EGFL7: variants seen among roughly 807,000 people sequenced by gnomAD.
EGFL7 encodes the protein EGF like domain multiple 7.
EGFL7 carries 48 observed loss-of-function variants against 37.1 expected under a neutral mutation model. The ratio of observed to expected loss-of-function variants is 1.29; its 90% CI spans 1.03 to 1.65. The LOEUF is 1.65. Ranked by LOEUF, EGFL7 falls within the 40% of genes most tolerant of loss-of-function variation. The pLI is 0.00. For synonymous variants in EGFL7, 180 were observed against 156.8 expected (o/e 1.15, Z -1.10); for missense variants, 384 against 378.9 (o/e 1.01, Z -0.11).
chr9:136,659,120 C>G (rs911441757), upstream of EGFL7: 1 of 152,248 alleles, frequency 6.6e-6, no homozygotes, highest in African/African-American at 2.4e-5. Context: ...CAGAGGGTGT[C>G]GCTCTGGGAC....
chr9:136,667,095 G>A (rs1845527530), intron 3 of EGFL7, among the ~76,000 whole-genome samples: 1 of 152,232 alleles, frequency 6.6e-6, no homozygotes, highest in Non-Finnish European at 1.5e-5. Flanking sequence ...GGAAGCAGGT[G>A]TGGGATCGTG....
chr9:136,669,696 C>A lies in EGFL7; in HGVS notation c.288C>A (p.Ser96Arg). The change falls in exon 6 of 11, where the codon AGC (serine) becomes AGA (arginine). Residue 96 changes from serine to arginine, a missense_variant. Ser to Arg is a moderately radical substitution (Grantham distance 110). Coordinates refer to ENST00000308874, the MANE Select transcript of EGFL7 (RefSeq NM_016215.5). Reference sequence around the variant, plus strand: ...GCTGCCCCGGCTGGAAGAGGACCAGCGGGCTTCCTGGGGCCTGTGGAGCAG... The same window carrying A: ...GCTGCCCCGGCTGGAAGAGGACCAGAGGGCTTCCTGGGGCCTGTGGAGCAG... ...YACCPGWKRTSGLPGACGAAI... is the reference protein window; with the variant it reads ...YACCPGWKRTRGLPGACGAAI... 6.2e-7 allele frequency: 1 copy of A among 1,602,178 alleles called. No individual in the cohort carries two copies. The highest frequency in any genetic ancestry group is 1.1e-5 in the South Asian group (1 of 88,980).
At chr9:136,668,435 C>T in intron 4 of EGFL7, 73 bp downstream of exon 4, 1 of 1,518,856 alleles carries the variant, frequency 6.6e-7, no homozygotes. Context: ...AGAGGCGGCC[C>T]TCAGCACCTG....
At chr9:136,670,758 C>T in intron 8 of EGFL7, 192 bp from the exon 9 acceptor site, 1 of 728,236 alleles carries the variant, frequency 1.4e-6, no homozygotes, top group Admixed American at 2.0e-5. Flanking sequence ...AGCCTCTGCG[C>T]AGAGCCACCC....
chr9:136,672,282 C>A lies in EGFL7; in HGVS notation c.818C>A (p.Ser273Ter). The change falls in exon 11 of 11, where the codon TCG becomes TAG. Residue 273 changes from serine (S) to a stop codon, truncating the protein, a stop_gained. Transcript: ENST00000308874. LOFTEE classifies it high-confidence loss of function. ...ACCCTAGGCTCCTGCAAGAAAGACT[C>A]GTGACTGCCCAGCGCCCCAGGCTGG... is the stretch of plus-strand genomic sequence containing the variant. ...QLGSCSCKKD[S>*] 6.2e-7 allele frequency: 1 copy of A among 1,613,358 alleles called. No individual in the cohort carries two copies. The highest frequency in any genetic ancestry group is 8.5e-7 in the Non-Finnish European group (1 of 1,179,952).
chr9:136,671,727 C>T (rs531851234), intron 9 of EGFL7, among the ~76,000 whole-genome samples, 199 bp from the exon 10 acceptor site: 1 of 152,304 alleles, frequency 6.6e-6, no homozygotes, highest in East Asian at 1.9e-4. Flanking sequence ...TGGGACCACC[C>T]CGCCAGCCTG....
At position 136,666,855 on chromosome 9, in the gene EGFL7, A is replaced by G. The variant is rs572944292; in HGVS notation, c.-42-1386A>G. ...TCATCCAGGGCCCATCCCCAGAGTT[A>G]ATCTCCAGCCAGCTCTGCCCCCTCG... On this transcript the variant is annotated intron_variant, in intron 3 of 10. Transcript: ENST00000308874. This position sits in a 1 kb window ranked among gnomAD's most constrained non-coding sequence, Gnocchi z 6.8. 2.4e-4 allele frequency among the ~76,000 whole-genome samples: 37 copies of G among 152,106 alleles called. No homozygotes were observed. Among genetic ancestry groups the G allele is most frequent in the African/African-American group, 6.5e-4 (27 of 41,464 alleles).
At position 136,668,684 on chromosome 9, in the gene EGFL7, C is replaced by T; in HGVS notation, c.197+11C>T. The T allele has an allele frequency of 1.3e-6, 2 of 1,592,090 alleles. No individual in the cohort carries two copies. Among genetic ancestry groups the T allele is most frequent in the Non-Finnish European group, 1.7e-6 (2 of 1,172,086 alleles). ...CTGCAGCACCTACCGGTGAGTGCCC[C>T]ACCACACCGAGCTCACCCAGCCCCA... On this transcript the variant is annotated intron_variant, in intron 5 of 10. Coordinates refer to ENST00000308874, the MANE Select transcript of EGFL7 (RefSeq NM_016215.5).
intron 4 of EGFL7, 30 bp downstream of exon 4, chr9:136,668,392 G>C (rs1238778952): frequency 6.4e-7 from 1 of 1,557,722 alleles, no homozygotes; most frequent in Non-Finnish European, 8.7e-7. Context: ...GGGAGTGCTG[G>C]GGTGGGGGGA....
Position 136,670,292 on chromosome 9 carries a change from C to A in EGFL7, c.533C>A (p.Pro178His). The change falls in exon 8 of 11, where the codon CCC (proline) becomes CAC (histidine). Residue 178 changes from proline (P) to histidine (H), a missense_variant. Pro to His is a moderately conservative substitution (Grantham distance 77). Transcript: ENST00000308874. ...TCTGCAGACGGTACACTCTGTGTGC[C>A]CAAGGGAGGGCCCCCCAGGGTGGCC... is the stretch of plus-strand genomic sequence containing the variant. ...SLSADGTLCV[P>H]KGGPPRVAPN... is the part of the protein sequence containing the mutation. 2 of 1,603,294 alleles carry A rather than the reference C, an allele frequency of 1.2e-6. No individual in the cohort carries two copies. Among genetic ancestry groups the A allele is most frequent in the Non-Finnish European group, 1.7e-6 (2 of 1,173,346 alleles).
chr9:136,670,742 AC>A, intron 8 of EGFL7: 3 of 738,412 alleles, frequency 4.1e-6, no homozygotes, highest in Non-Finnish European at 7.6e-6. Context: ...CGTGGCCGGG[AC>A]CCTGAGCCTC....
Position 136,668,552 on chromosome 9 carries a change from C to A in EGFL7, c.81-5C>A. The A allele has an allele frequency of 1.2e-6, 2 of 1,607,804 alleles. No homozygotes were observed. Among genetic ancestry groups the A allele is most frequent in the Non-Finnish European group, 8.5e-7 (1 of 1,179,238 alleles). The stretch of plus-strand genomic sequence containing the variant: ...CCTGGGCTGACCCCCTCTCCACCCC[C>A]GCAGCCGTAGGGTGTGTGCTGTCCG... On this transcript the variant is annotated splice_polypyrimidine_tract_variant and splice_region_variant and intron_variant, in intron 4 of 10. Transcript: ENST00000308874.
intron 5 of EGFL7, 74 bp downstream of exon 5, chr9:136,668,747 G>T: frequency 7.8e-7 from 1 of 1,282,182 alleles, no homozygotes; most frequent in Non-Finnish European, 1.1e-6. Context: ...TGTCAGGGGC[G>T]AGGCGGGGGT....
rs1845509868 is a variant in EGFL7, at chr9:136,666,841, C to T, written c.-42-1400C>T. On this transcript the variant is annotated intron_variant, in intron 3 of 10. Transcript: ENST00000308874. The surrounding 1 kb of genome is among the most constrained non-coding windows in gnomAD (Gnocchi z 6.8). ...CCTAACAGTGTCCTTCATCCAGGGC[C>T]CATCCCCAGAGTTAATCTCCAGCCA... Among the ~76,000 whole-genome samples, 1 of 152,184 alleles carries T rather than the reference C, an allele frequency of 6.6e-6. No homozygotes were observed. Among genetic ancestry groups the T allele is most frequent in the Non-Finnish European group, 1.5e-5 (1 of 68,032 alleles).
In EGFL7 at chr9:136,668,627, C is replaced by T; in HGVS notation, c.151C>T (p.Pro51Ser). The T allele has an allele frequency of 1.2e-6, 2 of 1,606,858 alleles. No homozygotes were observed. The highest frequency in any genetic ancestry group is 1.7e-6 in the Non-Finnish European group (2 of 1,179,744). The change falls in exon 5 of 11, where the codon CCC becomes TCC. Residue 51 changes from proline (P) to serine (S), a missense_variant. Transcript: ENST00000308874. ...SESFVQRVYQ[P>S]FLTTCDGHRA... ...GTCGTTCGTGCAGCGTGTGTACCAG[C>T]CCTTCCTCACCACCTGCGACGGGCA...
rs751862239 is a variant in EGFL7 at position 136,670,265 on chromosome 9, T to C, written c.506T>C (p.Leu169Pro). ...TGCCAGTGTTGGGAGGGGCACAGCC[T>C]GTCTGCAGACGGTACACTCTGTGTG... ...YWCQCWEGHS[L>P]SADGTLCVPK... The change falls in exon 8 of 11, where the codon CTG becomes CCG. Residue 169 changes from leucine (L) to proline (P), a missense_variant. By Grantham distance (98) the Leu-to-Pro change is moderately conservative. Transcript: ENST00000308874. The C allele has an allele frequency of 2.9e-5, 46 of 1,612,104 alleles. 1 individual carries two copies. In the South Asian group the frequency reaches 4.9e-4, roughly 17 times the overall value.
intron 8 of EGFL7, chr9:136,670,660 G>A (rs1028572211): frequency 2.6e-6 from 2 of 772,310 alleles, no homozygotes; most frequent in Admixed American, 1.7e-5. Context: ...AACTCGTACC[G>A]TGAGTAATAA....
chr9:136,666,175 C>A lies in EGFL7; in HGVS notation c.-43+1390C>A, dbSNP rs1266897815. 6.6e-6 allele frequency among the ~76,000 whole-genome samples: 1 copy of A among 150,610 alleles called. No homozygotes were observed. Among genetic ancestry groups the A allele is most frequent in the East Asian group, 1.9e-4 (1 of 5,160 alleles). Reference sequence around the variant, plus strand: ...CCAGCCTGTGCCGCCTGCTCCGCCCCCCGCGAACCCCGGAGCCAGCAGCGC... The same window carrying A: ...CCAGCCTGTGCCGCCTGCTCCGCCCACCGCGAACCCCGGAGCCAGCAGCGC... On this transcript the variant is annotated intron_variant, in intron 3 of 10. Transcript: ENST00000308874. The surrounding 1 kb of genome is among the most constrained non-coding windows in gnomAD (Gnocchi z 6.8).
At chr9:136,668,721 C>A (rs754217396) in intron 5 of EGFL7, 48 bp downstream of exon 5, 16 of 1,482,464 alleles carry the variant, frequency 1.1e-5, no homozygotes, top group Non-Finnish European at 1.2e-5. Flanking sequence ...CCTCCCAAGT[C>A]GGCCACACAT....
Sources: allele counts gnomAD v4.1 joint callset (sites outside exome capture counted in the v4.1 genomes callset), GRCh38; gene constraint gnomAD v4.1.1; non-coding constraint Gnocchi (gnomAD v3.1); transcripts MANE v1.5; gene names NCBI Gene and HGNC (gene_info 2026-07-23, HGNC 2026-07-21).